The following ANKRD30A variants were observed in gnomAD, a reference collection of about 807,000 sequenced individuals.
ANKRD30A encodes ankyrin repeat domain-containing protein 30A.
A neutral mutation model predicts 166.3 loss-of-function variants in ANKRD30A; 170 were observed. The ratio of observed to expected loss-of-function variants is 1.02; its 90% CI spans 0.90 to 1.16. The LOEUF is 1.16. ANKRD30A is among the 50% of genes most tolerant of loss of function. The pLI, the probability that ANKRD30A is intolerant of heterozygous loss-of-function variation, is 0.00. For synonymous variants in ANKRD30A, 564 were observed against 508.9 expected (o/e 1.11, Z -1.46); for missense variants, 1,630 against 1,518.0 (o/e 1.07, Z -1.23).
the ANKRD30A span, among the ~76,000 whole-genome samples, chr10:37,263,730 C>G: frequency 6.6e-6 from 1 of 152,114 alleles, no homozygotes; most frequent in Admixed American, 6.5e-5. Flanking sequence ...TGCGCACCTC[C>G]TGCTGTGCAG....
rs990141944 is a variant in ANKRD30A, at chr10:37,196,537, A to G, written c.2615-744A>G. Among the ~76,000 whole-genome samples, 6 of 152,298 alleles carry G rather than the reference A, an allele frequency of 3.9e-5. 1 individual carries two copies. Among genetic ancestry groups the G allele is most frequent in the African/African-American group, 1.2e-4 (5 of 41,544 alleles). ...AAAAATACTGAATTTATACTTCAAA[A>G]ATAAGATTGCTTTTTAAGATAAATA... On this transcript the variant is annotated intron_variant, in intron 27 of 35. Coordinates refer to ENST00000361713, the MANE Select transcript of ANKRD30A (RefSeq NM_052997.3).
intron 34 of ANKRD30A, among the ~76,000 whole-genome samples, 154 bp from the exon 35 acceptor site, chr10:37,231,307 A>G (rs1588967253): frequency 6.6e-6 from 1 of 152,074 alleles, no homozygotes; most frequent in Admixed American, 6.6e-5. Flanking sequence ...TGCATACACT[A>G]GGCATGCTCT....
chr10:37,236,845 T>C (rs1843694886), downstream of ANKRD30A, among the ~76,000 whole-genome samples: 2 of 152,186 alleles, frequency 1.3e-5, no homozygotes, highest in African/African-American at 4.8e-5. Flanking sequence ...TGGAGAAAAT[T>C]AATAGTTTTT....
the ANKRD30A span, among the ~76,000 whole-genome samples, chr10:37,238,906 C>T: frequency 6.6e-6 from 1 of 152,144 alleles, no homozygotes; most frequent in South Asian, 2.1e-4. Flanking sequence ...CCAGGCATGT[C>T]TGTAACATTA....
intron 11 of ANKRD30A, among the ~76,000 whole-genome samples, chr10:37,150,732 A>G (rs547165325): frequency 1.2e-3 from 182 of 152,276 alleles, no homozygotes; most frequent in Admixed American, 3.1e-3. Flanking sequence ...TGACAGTACC[A>G]TAGTTAATTG....
the ANKRD30A span, among the ~76,000 whole-genome samples, chr10:37,254,684 T>A: frequency 2.0e-4 from 27 of 134,424 alleles, no homozygotes; most frequent in Admixed American, 3.7e-4. Flanking sequence ...TTTTCTTTTC[T>A]TTTTTTTTTT....
Position 37,219,366 on chromosome 10 carries a change from T to A in ANKRD30A, c.3654T>A (p.Ser1218Arg). The A allele has an allele frequency of 1.2e-6, 2 of 1,610,448 alleles. No individual in the cohort carries two copies. The highest frequency in any genetic ancestry group is 2.2e-5 in the South Asian group (2 of 90,994). Reference sequence around the variant, plus strand: ...ATCAAATTGTGACATCAAGAAAAAGTCAAGAACCTGCTTTCCACATTGCAG... The same window carrying A: ...ATCAAATTGTGACATCAAGAAAAAGACAAGAACCTGCTTTCCACATTGCAG... ...DHDQIVTSRK[S>R]QEPAFHIAGD... Residue 1218 changes from serine to arginine, a missense_variant, in exon 34 of 36, where the codon AGT (serine) becomes AGA (arginine). Around this residue, in one of 4 missense-constraint regions of ANKRD30A, gnomAD observed 712 missense variants for 629.3 expected, o/e 1.13. Transcript: ENST00000361713.
chr10:37,243,638 C>T, the ANKRD30A span, among the ~76,000 whole-genome samples: 6 of 151,770 alleles, frequency 4.0e-5, no homozygotes, highest in Admixed American at 2.0e-4. Flanking sequence ...AAGTGAAAGA[C>T]GTATAATAAA....
intron 34 of ANKRD30A, among the ~76,000 whole-genome samples, chr10:37,231,132 CT>C (rs1843393566): frequency 6.6e-6 from 1 of 151,650 alleles, no homozygotes; most frequent in Non-Finnish European, 1.5e-5. Flanking sequence ...ATATTTATAG[CT>C]TTTTTAATTT....
At chr10:37,248,122 T>C in the ANKRD30A span, 1 of 599,672 alleles carries the variant, frequency 1.7e-6, no homozygotes, top group East Asian at 4.2e-5. Context: ...CTGCAGATTT[T>C]CACCGCTATG....
At chr10:37,151,973 C>G (rs921962572) in intron 11 of ANKRD30A, 87 bp from the exon 12 acceptor site, 2 of 1,207,394 alleles carry the variant, frequency 1.7e-6, no homozygotes, top group Non-Finnish European at 2.3e-6. Context: ...ACCACAGATT[C>G]GTGAATGAAA....
Position 37,219,014 on chromosome 10 carries a change from T to G in ANKRD30A, c.3302T>G (p.Leu1101Ter). ...ACTCATGAAAATGAAAATTATCTCT[T>G]ACATGAAAATTGCATGTTGAAAAAG... ...SHTHENENYL[L>*]HENCMLKKEI... The change falls in exon 34 of 36, where the codon TTA becomes TGA. Residue 1101 changes from leucine (L) to a stop codon, truncating the protein, a stop_gained. Transcript: ENST00000361713. LOFTEE classifies it high-confidence loss of function. 1 of 1,591,512 alleles carries G rather than the reference T, an allele frequency of 6.3e-7. No individual in the cohort carries two copies. The highest frequency in any genetic ancestry group is 1.2e-5 in the South Asian group (1 of 86,528).
chr10:37,232,859 A>G (rs1387111147), downstream of ANKRD30A, among the ~76,000 whole-genome samples: 2 of 144,626 alleles, frequency 1.4e-5, no homozygotes, highest in Non-Finnish European at 3.0e-5. Flanking sequence ...TGAATAGCCA[A>G]TGCCCTCCAG....
chr10:37,129,936 G>C lies in ANKRD30A; in HGVS notation c.265G>C (p.Val89Leu), dbSNP rs534812137. 4 of 1,574,760 alleles carry C rather than the reference G, an allele frequency of 2.5e-6. No homozygotes were observed. The African/African-American group carries it at 4.1e-5, about 16-fold the overall frequency. ...CTGTGTCAATGGCCATGAGGAAGTA[G>C]TAACATTTCTGGTAGACAGAAAGTG... is the stretch of plus-strand genomic sequence containing the variant. ...WACVNGHEEV[V>L]TFLVDRKCQL... is the part of the protein sequence containing the mutation. Residue 89 changes from valine to leucine, a missense_variant, in exon 2 of 36, where the codon GTA (valine) becomes CTA (leucine). Val to Leu is a conservative substitution (Grantham distance 32). This residue lies in a region of ANKRD30A where 904 missense variants were observed against 818.5 expected (regional missense o/e 1.10). Coordinates refer to ENST00000361713, the MANE Select transcript of ANKRD30A (RefSeq NM_052997.3).
intron 25 of ANKRD30A, among the ~76,000 whole-genome samples, chr10:37,189,817 A>G (rs1184369613): frequency 1.3e-5 from 2 of 151,118 alleles, no homozygotes; most frequent in African/African-American, 2.4e-5. Flanking sequence ...AAGAAAGAAG[A>G]AAGTAGTAAT....
chr10:37,125,771 A>G lies in ANKRD30A; in HGVS notation c.-17A>G. Reference sequence around the variant, plus strand: ...CGATCGGGAGGCGCGGGCACTCTCTAGCAGGTGGCCGCAGCCATGGAGGAG... The same window carrying G: ...CGATCGGGAGGCGCGGGCACTCTCTGGCAGGTGGCCGCAGCCATGGAGGAG... On this transcript the variant is annotated 5_prime_UTR_variant, in exon 1 of 36. Coordinates refer to ENST00000361713, the MANE Select transcript of ANKRD30A (RefSeq NM_052997.3). The G allele has an allele frequency of 1.6e-6, 1 of 624,960 alleles. No individual in the cohort carries two copies. Among genetic ancestry groups the G allele is most frequent in the Non-Finnish European group, 2.9e-6 (1 of 349,050 alleles). 38.7% of individuals were successfully genotyped at this position (624,960 alleles called of 1,614,324 possible). A position where few individuals can be genotyped will look rare whatever the true frequency, so the allele number is the denominator to read the frequency against.
intron 5 of ANKRD30A, among the ~76,000 whole-genome samples, chr10:37,134,850 C>A (rs1433391277): frequency 6.6e-6 from 1 of 152,128 alleles, no homozygotes; most frequent in Non-Finnish European, 1.5e-5. Flanking sequence ...AACTGTAAGT[C>A]AGGTTGAAGT....
downstream of ANKRD30A, among the ~76,000 whole-genome samples, chr10:37,235,490 G>C (rs1337719308): frequency 2.0e-5 from 3 of 152,042 alleles, no homozygotes; most frequent in African/African-American, 7.2e-5. Flanking sequence ...CATAAAACTT[G>C]AGTACTCCTT....
chr10:37,147,246 T>G, intron 8 of ANKRD30A, 124 bp from the exon 9 acceptor site: 2 of 683,906 alleles, frequency 2.9e-6, no homozygotes, highest in South Asian at 3.9e-5. Flanking sequence ...ATTTTCAATA[T>G]GTGCCTATCC....
Sources: allele counts gnomAD v4.1 joint callset (sites outside exome capture counted in the v4.1 genomes callset), GRCh38; gene constraint gnomAD v4.1.1; regional missense constraint gnomAD v4.1.1; transcripts MANE v1.5; gene names NCBI Gene and HGNC (gene_info 2026-07-23, HGNC 2026-07-21).